OR2L13: variants seen among roughly 807,000 people sequenced by gnomAD.
OR2L13 encodes olfactory receptor family 2 subfamily L member 13.
OR2L13 carries 14 observed loss-of-function variants against 15.3 expected under a neutral mutation model. That is an observed-to-expected ratio of 0.91 (90% CI 0.60 to 1.43). The LOEUF (loss-of-function observed/expected upper bound fraction) is 1.43, where lower values mean the gene tolerates loss of function less well. Ranked by LOEUF, OR2L13 falls within the 40% of genes most tolerant of loss-of-function variation. The pLI is 0.00. For missense variants in OR2L13, 367 were observed against 387.9 expected (o/e 0.95, Z 0.45); for synonymous variants, 152 against 142.9 (o/e 1.06, Z -0.45).
the OR2L13 span, chr1:248,061,863 G>C: frequency 5.9e-6 from 2 of 341,392 alleles, no homozygotes; most frequent in Non-Finnish European, 5.3e-6. Context: ...CTAATATGTT[G>C]TCAATGAGAA....
the OR2L13 span, among the ~76,000 whole-genome samples, chr1:247,956,406 A>G: frequency 6.6e-6 from 1 of 151,850 alleles, no homozygotes; most frequent in African/African-American, 2.4e-5. Context: ...CTTTTGGCTT[A>G]GGATTGACTT....
the OR2L13 span, among the ~76,000 whole-genome samples, chr1:248,032,525 C>T: frequency 6.6e-6 from 1 of 152,154 alleles, no homozygotes; most frequent in African/African-American, 2.4e-5. Flanking sequence ...TCCCTTCCCC[C>T]ATCCCCAGGG....
At chr1:247,991,114 A>G in the OR2L13 span, 9 of 1,605,894 alleles carry the variant, frequency 5.6e-6, no homozygotes, top group African/African-American at 5.4e-5. Context: ...CCTCACTCCA[A>G]TGCTCAACCC....
the OR2L13 span, among the ~76,000 whole-genome samples, chr1:247,978,836 G>A: frequency 1.6e-4 from 25 of 151,738 alleles, no homozygotes; most frequent in African/African-American, 5.1e-4. Flanking sequence ...CAGGCCACTC[G>A]GACCTGTCTA....
At chr1:247,964,793 A>G in the OR2L13 span, among the ~76,000 whole-genome samples, 1 of 150,562 alleles carries the variant, frequency 6.6e-6, no homozygotes, top group Non-Finnish European at 1.5e-5. Context: ...ATATGTGTAT[A>G]TGTATTGCTG....
At chr1:248,079,224 C>T in the OR2L13 span, among the ~76,000 whole-genome samples, 2 of 150,814 alleles carry the variant, frequency 1.3e-5, no homozygotes, top group African/African-American at 4.9e-5. Context: ...AACATAGTAA[C>T]ACTGGGACAA....
chr1:247,970,717 A>T, the OR2L13 span, among the ~76,000 whole-genome samples: 7 of 152,338 alleles, frequency 4.6e-5, no homozygotes, highest in East Asian at 9.6e-4. Context: ...ACTAGGAGAT[A>T]TACAAAGGGA....
chr1:248,098,407 G>T (rs2103200777), intron 1 of OR2L13, among the ~76,000 whole-genome samples: 1 of 152,268 alleles, frequency 6.6e-6, no homozygotes, highest in Non-Finnish European at 1.5e-5. Flanking sequence ...ATAAGAAGCA[G>T]AGAGTGCCTG....
chr1:248,017,041 G>A, the OR2L13 span, among the ~76,000 whole-genome samples: 3 of 152,144 alleles, frequency 2.0e-5, no homozygotes, highest in East Asian at 3.9e-4. Flanking sequence ...GATGCCTCCC[G>A]GGTTGAAGTT....
chr1:247,945,730 A>C, the OR2L13 span, among the ~76,000 whole-genome samples: 1 of 152,132 alleles, frequency 6.6e-6, no homozygotes, highest in Non-Finnish European at 1.5e-5. Flanking sequence ...TGTTGAATTG[A>C]ATTCTTTAAC....
the OR2L13 span, among the ~76,000 whole-genome samples, chr1:248,016,467 G>A: frequency 6.6e-6 from 1 of 152,054 alleles, no homozygotes; most frequent in Non-Finnish European, 1.5e-5. Flanking sequence ...CAGATAACAT[G>A]AGGAAACATA....
chr1:247,965,779 C>T, the OR2L13 span: 1 of 1,597,754 alleles, frequency 6.3e-7, no homozygotes. Context: ...TTATCCTATG[C>T]TTATGAGCAA....
At chr1:247,960,601 C>T in the OR2L13 span, among the ~76,000 whole-genome samples, 1 of 152,176 alleles carries the variant, frequency 6.6e-6, no homozygotes, top group African/African-American at 2.4e-5. Flanking sequence ...GTTCGAGCCT[C>T]CTGGCTGCTT....
At chr1:247,960,179 T>G in the OR2L13 span, among the ~76,000 whole-genome samples, 3 of 152,172 alleles carry the variant, frequency 2.0e-5, no homozygotes, top group African/African-American at 7.2e-5. Context: ...TCAGCTGCAG[T>G]TCTGTTGGAG....
exon 3 of OR2L13, chr1:248,099,840 C>A (rs1173224903): frequency 3.1e-6 from 5 of 1,613,964 alleles, no homozygotes; most frequent in Non-Finnish European, 4.2e-6. Context: ...CCATCAACTC[C>A]TTGGCACACA....
chr1:248,067,407 A>G, the OR2L13 span, among the ~76,000 whole-genome samples: 1 of 152,344 alleles, frequency 6.6e-6, no homozygotes, highest in African/African-American at 2.4e-5. Context: ...TTAAAAATCC[A>G]GGAAAAACTC....
At chr1:248,031,030 A>G in the OR2L13 span, among the ~76,000 whole-genome samples, 3 of 152,236 alleles carry the variant, frequency 2.0e-5, no homozygotes, top group Admixed American at 1.3e-4. Flanking sequence ...AATGAAAGCA[A>G]GTAGAAATGT....
the OR2L13 span, chr1:248,061,445 T>C: frequency 6.2e-7 from 1 of 1,614,020 alleles, no homozygotes. Context: ...GCACCTTTTG[T>C]CTACACTTAT....
the OR2L13 span, chr1:248,041,297 G>C: frequency 1.3e-5 from 2 of 152,098 alleles, no homozygotes; most frequent in Non-Finnish European, 2.9e-5. Context: ...GGGAAAACTG[G>C]CTAGCCATAT....
Sources: gnomAD v4.1 joint callset for allele counts (sites outside exome capture counted in the v4.1 genomes callset) on GRCh38, gnomAD v4.1.1 for gene constraint, MANE v1.5 for transcripts, NCBI Gene and HGNC (gene_info 2026-07-23, HGNC 2026-07-21) for gene names.